The following MDK variants were observed in gnomAD, a reference collection of about 807,000 sequenced individuals.
MDK encodes amphiregulin-associated protein.
MDK carries 17 observed loss-of-function variants against 18.9 expected under a neutral mutation model. That is an observed-to-expected ratio of 0.90 (90% CI 0.62 to 1.35). The LOEUF is 1.35. Ranked by LOEUF, MDK falls within the 40% of genes most tolerant of loss-of-function variation. The pLI, the probability that MDK is intolerant of heterozygous loss-of-function variation, is 0.00. For synonymous variants in MDK, 86 were observed against 74.3 expected, an observed-to-expected ratio of 1.16 and a Z score of -0.81; for missense variants, 180 against 186.3, an observed-to-expected ratio of 0.97 and a Z score of 0.20.
chr11:46,382,807 C>G, intron 4 of MDK, 59 bp downstream of exon 4: 1 of 1,450,842 alleles, frequency 6.9e-7, no homozygotes, highest in Non-Finnish European at 9.4e-7. Flanking sequence ...CCCCCCCCCG[C>G]CTGTGAGGGG....
chr11:46,383,615 A>G lies in MDK; in HGVS notation c.*121A>G, dbSNP rs1178362590. Reference sequence around the variant, plus strand: ...TCTGTCTGCTCGTTAGCTTTAATCAATCATGCCCTGCCTTGTCCCTCTCAC... The same window carrying G: ...TCTGTCTGCTCGTTAGCTTTAATCAGTCATGCCCTGCCTTGTCCCTCTCAC... On this transcript the variant is annotated 3_prime_UTR_variant, in exon 5 of 5. Coordinates refer to ENST00000395566, the MANE Select transcript of MDK (RefSeq NM_002391.6). 8 of 904,848 alleles carry G rather than the reference A, an allele frequency of 8.8e-6. No individual in the cohort carries two copies. The highest frequency in any genetic ancestry group is 1.5e-5 in the Non-Finnish European group (8 of 548,214). The allele number at this position is 904,848 out of a possible 1,614,324, so 56.1% of individuals were successfully genotyped here.
At chr11:46,383,430 C>T (rs1444090233) in intron 4 of MDK, 39 bp from the exon 5 acceptor site, 1 of 1,519,424 alleles carries the variant, frequency 6.6e-7, no homozygotes, top group Non-Finnish European at 8.9e-7. Context: ...GTCAGCCTAA[C>T]TGCTGATATG....
rs1234952322 is a variant in MDK, at chr11:46,382,070, G to A, written c.13G>A (p.Gly5Ser). 7.5e-6 allele frequency: 12 copies of A among 1,608,792 alleles called. No homozygotes were observed. The highest frequency in any genetic ancestry group is 4.0e-5 in the African/African-American group (3 of 74,846). Reference protein sequence around the residue: MQHRGFLLLTLLALL... With the variant: MQHRSFLLLTLLALL... The stretch of plus-strand genomic sequence containing the variant: ...CTCTCCCCTCAGGATGCAGCACCGA[G>A]GCTTCCTCCTCCTCACCCTCCTCGC... The change falls in exon 2 of 5, where the codon GGC (glycine) becomes AGC (serine). Residue 5 changes from glycine (G) to serine (S), a missense_variant. Gly to Ser is a moderately conservative substitution (Grantham distance 56). Transcript: ENST00000395566.
rs113928050 is a variant in MDK at position 46,383,700 on chromosome 11, G to C, written c.*206G>C. On this transcript the variant is annotated 3_prime_UTR_variant, in exon 5 of 5. Coordinates refer to ENST00000395566, the MANE Select transcript of MDK (RefSeq NM_002391.6). Reference sequence around the variant, plus strand: ...AGGGACAAGGGATTCTGGGAAGCTTGAGCCTCCCCCAAAGCAATGTGAGTC... The same window carrying C: ...AGGGACAAGGGATTCTGGGAAGCTTCAGCCTCCCCCAAAGCAATGTGAGTC... The C allele has an allele frequency of 1.0e-5, 7 of 686,596 alleles. No homozygotes were observed. Among genetic ancestry groups the C allele is most frequent in the Admixed American group, 8.1e-5 (4 of 49,390 alleles). The allele number at this position is 686,596 out of a possible 1,614,324, so 42.5% of individuals were successfully genotyped here. A position where few individuals can be genotyped will look rare whatever the true frequency, so the allele number is the denominator to read the frequency against.
chr11:46,381,487 C>T (rs1945161834), upstream of MDK, among the ~76,000 whole-genome samples: 1 of 144,800 alleles, frequency 6.9e-6, no homozygotes. Context: ...AGGGCACCGG[C>T]GGGGAGACGC....
chr11:46,382,790 G>GGGGGGGGCC (rs1945254785), intron 4 of MDK, 42 bp downstream of exon 4: 154 of 986,870 alleles, frequency 1.6e-4, no homozygotes, highest in Middle Eastern at 6.4e-4. Flanking sequence ...GCGGGGGGCT[G>GGGGGGGGCC]CCCCCCCCCC....
rs1376221332 is a variant in MDK, at chr11:46,382,073, TTCC to T, written c.25_27del (p.Leu9del). 1.9e-6 allele frequency: 3 copies of T among 1,609,194 alleles called. No individual in the cohort carries two copies. The African/African-American group carries it at 4.0e-5, about 21-fold the overall frequency. ...TCCCCTCAGGATGCAGCACCGAGGC[TTCC>T]TCCTCCTCACCCTCCTCGCCCTGCT... On this transcript the variant is annotated inframe_deletion, in exon 2 of 5. Transcript: ENST00000395566.
At chr11:46,382,790 G>GGGCCCC in intron 4 of MDK, 42 bp downstream of exon 4, 1 of 985,982 alleles carries the variant, frequency 1.0e-6, no homozygotes, top group Non-Finnish European at 1.3e-6. Flanking sequence ...GCGGGGGGCT[G>GGGCCCC]CCCCCCCCCC....
Position 46,382,431 on chromosome 11 carries a change from G to T in MDK, c.214G>T (p.Val72Leu), listed in dbSNP as rs770303856. Reference sequence around the variant, plus strand: ...CCAGACCCAGCGCATCCGGTGCAGGGTGCCCTGCAACTGGAAGAAGGAGTT... The same window carrying T: ...CCAGACCCAGCGCATCCGGTGCAGGTTGCCCTGCAACTGGAAGAAGGAGTT... ...GAQTQRIRCR[V>L]PCNWKKEFGA... The change falls in exon 3 of 5, where the codon GTG becomes TTG. Residue 72 changes from valine to leucine, a missense_variant. Transcript: ENST00000395566. 7.8e-6 allele frequency: 12 copies of T among 1,531,444 alleles called. No homozygotes were observed. In the South Asian group the frequency reaches 1.5e-4, roughly 19 times the overall value. 94.9% of individuals were successfully genotyped at this position (1,531,444 alleles called of 1,614,324 possible).
Position 46,383,503 on chromosome 11 carries a change from C to T in MDK, c.*9C>T, listed in dbSNP as rs773623429. 2 of 1,612,590 alleles carry T rather than the reference C, an allele frequency of 1.2e-6. No homozygotes were observed. Among genetic ancestry groups the T allele is most frequent in the East Asian group, 2.2e-5 (1 of 44,876 alleles). On this transcript the variant is annotated 3_prime_UTR_variant, in exon 5 of 5. Coordinates refer to ENST00000395566, the MANE Select transcript of MDK (RefSeq NM_002391.6). ...GGAAGGGAAAGGACTAGACGCCAAG[C>T]CTGGATGCCAAGGAGCCCCTGGTGT...
Position 46,383,709 on chromosome 11 carries a change from C to G in MDK, c.*215C>G, listed in dbSNP as rs897709218. 4 of 677,986 alleles carry G rather than the reference C, an allele frequency of 5.9e-6. No homozygotes were observed. The highest frequency in any genetic ancestry group is 1.5e-5 in the South Asian group (1 of 66,356). The allele number at this position is 677,986 out of a possible 1,614,324, so 42.0% of individuals were successfully genotyped here. On this transcript the variant is annotated 3_prime_UTR_variant, in exon 5 of 5. Transcript: ENST00000395566. Reference sequence around the variant, plus strand: ...GGATTCTGGGAAGCTTGAGCCTCCCCCAAAGCAATGTGAGTCCCAGAGCCC... The same window carrying G: ...GGATTCTGGGAAGCTTGAGCCTCCCGCAAAGCAATGTGAGTCCCAGAGCCC...
In MDK at chr11:46,383,564, G is replaced by GC; in HGVS notation, c.*73dup. The GC allele has an allele frequency of 7.0e-7, 1 of 1,424,526 alleles. No individual in the cohort carries two copies. The allele number at this position is 1,424,526 out of a possible 1,614,324, so 88.2% of individuals were successfully genotyped here. Reference sequence around the variant, plus strand: ...CTGGCCCACGCCCTCCCTCTCCCAGGCCCGAGATGTGACCCACCAGTGCCT... The same window carrying GC: ...CTGGCCCACGCCCTCCCTCTCCCAGGCCCCGAGATGTGACCCACCAGTGCCT... On this transcript the variant is annotated 3_prime_UTR_variant, in exon 5 of 5. Coordinates refer to ENST00000395566, the MANE Select transcript of MDK (RefSeq NM_002391.6).
Position 46,382,344 on chromosome 11 carries a change from GGGCCC to G in MDK, c.128_132del (p.Gly43ValfsTer45). The G allele has an allele frequency of 6.2e-7, 1 of 1,603,878 alleles. No individual in the cohort carries two copies. Among genetic ancestry groups the G allele is most frequent in the South Asian group, 1.1e-5 (1 of 90,072 alleles). On this transcript the variant is annotated frameshift_variant, in exon 3 of 5. Coordinates refer to ENST00000395566, the MANE Select transcript of MDK (RefSeq NM_002391.6). LOFTEE classifies it high-confidence loss of function. ...GAGCGAGTGCGCTGAGTGGGCCTGG[GGGCCC>G]TGCACCCCCAGCAGCAAGGATTGCG...
intron 4 of MDK, 172 bp from the exon 5 acceptor site, chr11:46,383,297 T>A: frequency 8.7e-6 from 5 of 577,724 alleles, no homozygotes; most frequent in Non-Finnish European, 1.6e-5. Context: ...GGATGTCCCA[T>A]GTCCACATCA....
chr11:46,383,661 T>C lies in MDK; in HGVS notation c.*167T>C. ...CTCACTCCCCAGCCCCACCCCTAAG[T>C]GCCCAAAGTGGGGAGGGACAAGGGA... On this transcript the variant is annotated 3_prime_UTR_variant, in exon 5 of 5. Transcript: ENST00000395566. 2 of 721,992 alleles carry C rather than the reference T, an allele frequency of 2.8e-6. No individual in the cohort carries two copies. The highest frequency in any genetic ancestry group is 5.0e-6 in the Non-Finnish European group (2 of 402,316). 44.7% of individuals were successfully genotyped at this position (721,992 alleles called of 1,614,324 possible). A position where few individuals can be genotyped will look rare whatever the true frequency, so the allele number is the denominator to read the frequency against.
intron 4 of MDK, 105 bp from the exon 5 acceptor site, chr11:46,383,364 A>G: frequency 1.2e-6 from 1 of 851,090 alleles, no homozygotes. Context: ...ACTAGGGGGC[A>G]GAATCTTCTC....
At chr11:46,382,245 G>GGAGT in intron 2 of MDK, 49 bp from the exon 3 acceptor site, 1 of 1,604,262 alleles carries the variant, frequency 6.2e-7, no homozygotes, top group African/African-American at 1.3e-5. Flanking sequence ...GGCTCCCGAG[G>GGAGT]GAGTCTCCCC....
chr11:46,382,439 C>A lies in MDK; in HGVS notation c.222C>A (p.Cys74Ter). The A allele has an allele frequency of 6.6e-7, 1 of 1,526,332 alleles. No homozygotes were observed. The highest frequency in any genetic ancestry group is 8.8e-7 in the Non-Finnish European group (1 of 1,136,170). The allele number at this position is 1,526,332 out of a possible 1,614,324, so 94.5% of individuals were successfully genotyped here. A position where few individuals can be genotyped will look rare whatever the true frequency, so the allele number is the denominator to read the frequency against. Residue 74 changes from cysteine to a stop codon, truncating the protein, a stop_gained, in exon 3 of 5, where the codon TGC (cysteine) becomes TGA (stop). Transcript: ENST00000395566. LOFTEE classifies it high-confidence loss of function. ...QTQRIRCRVP[C>*]NWKKEFGADC... ...AGCGCATCCGGTGCAGGGTGCCCTG[C>A]AACTGGAAGAAGGAGTTTGGAGGTG...
At chr11:46,381,916 C>A in intron 1 of MDK, 141 bp from the exon 2 acceptor site, 1 of 859,478 alleles carries the variant, frequency 1.2e-6, no homozygotes, top group South Asian at 1.7e-5. Context: ...AGGGGCCGCC[C>A]CAAGTCTTCC....
Sources: gnomAD v4.1 joint callset for allele counts (sites outside exome capture counted in the v4.1 genomes callset) on GRCh38, gnomAD v4.1.1 for gene constraint, MANE v1.5 for transcripts, NCBI Gene and HGNC (gene_info 2026-07-23, HGNC 2026-07-21) for gene names.